PDE4D: variants seen among roughly 807,000 people sequenced by gnomAD.
PDE4D encodes the protein 3',5'-cyclic-AMP phosphodiesterase 4D.
Under a neutral mutation model 87.4 loss-of-function variants are expected in PDE4D, and 24 were observed. The ratio of observed to expected loss-of-function variants is 0.27; its 90% confidence interval spans 0.20 to 0.39. The LOEUF is 0.39. PDE4D is among the 10% of genes least tolerant of loss of function. The pLI is 1.00. For synonymous variants in PDE4D, 384 were observed against 383.2 expected, an observed-to-expected ratio of 1.00 and a Z score of -0.02; for missense variants, 714 against 1,041.0, an observed-to-expected ratio of 0.69 and a Z score of 4.32.
chr5:59,975,625 A>G (rs113055192), intron 3 of PDE4D, among the ~76,000 whole-genome samples: 2,186 of 152,270 alleles, frequency 0.014, 23 homozygotes, highest in South Asian at 0.024. Flanking sequence ...GAATAATCCA[A>G]CTGTTTGCCT....
intron 1 of PDE4D, among the ~76,000 whole-genome samples, chr5:59,319,980 A>G (rs1774423298): frequency 6.6e-6 from 1 of 152,114 alleles, no homozygotes; most frequent in Admixed American, 6.6e-5. Context: ...CACCATTTCT[A>G]AAGCAGTGAA....
At position 59,789,977 on chromosome 5, in the gene PDE4D, C is replaced by T. The variant is rs565162796; in HGVS notation, c.455+103191G>A. Among the ~76,000 whole-genome samples the T allele has an allele frequency of 5.3e-5, 8 of 152,280 alleles. No homozygotes were observed. The South Asian group carries it at 1.0e-3, about 20-fold the overall frequency. Reference sequence around the variant, plus strand: ...AAAAGCAGGAAGAGTTCTTTCTGTACGTTTCTGCACTTGGTGGGAGTGTCA... The same window carrying T: ...AAAAGCAGGAAGAGTTCTTTCTGTATGTTTCTGCACTTGGTGGGAGTGTCA... On this transcript the variant is annotated intron_variant, in intron 1 of 14. Transcript: ENST00000340635.
chr5:60,244,259 T>A (rs1562252879), intron 1 of PDE4D, among the ~76,000 whole-genome samples: 1 of 152,074 alleles, frequency 6.6e-6, no homozygotes, highest in East Asian at 1.9e-4. Flanking sequence ...GAAAGATTTC[T>A]ACAATGAAAA....
intron 1 of PDE4D, among the ~76,000 whole-genome samples, chr5:60,452,830 G>A (rs1746198720): frequency 1.3e-5 from 2 of 152,122 alleles, no homozygotes; most frequent in South Asian, 4.2e-4. Flanking sequence ...TTTAAAAGTA[G>A]CATCTTCATG....
chr5:60,508,865 C>CT lies in PDE4D; in HGVS notation n.70+13185dup, dbSNP rs925659932. ...AAGTTTATCCAACATGCAGATTTCT[C>CT]TTTTTTTTTCTTTCTTTCTTTTCTT... is the stretch of plus-strand genomic sequence containing the variant. On this transcript the variant is annotated intron_variant and non_coding_transcript_variant, in intron 1 of 2. Coordinates refer to the PDE4D transcript ENST00000506510. Among the ~76,000 whole-genome samples, 8 of 150,934 alleles carry CT rather than the reference C, an allele frequency of 5.3e-5. 1 individual carries two copies. In the Middle Eastern group the frequency reaches 0.01, roughly 193 times the overall value.
intron 5 of PDE4D, among the ~76,000 whole-genome samples, chr5:59,080,433 GC>G (rs1360572609): frequency 3.9e-5 from 6 of 152,166 alleles, no homozygotes; most frequent in Non-Finnish European, 8.8e-5. Flanking sequence ...AAAACTGGCT[GC>G]AAAATGACTT....
chr5:59,176,215 GTGACCTACCTTTA>G (rs1378800942), intron 5 of PDE4D, among the ~76,000 whole-genome samples: 1 of 151,564 alleles, frequency 6.6e-6, no homozygotes, highest in East Asian at 1.9e-4. Context: ...AAACTGGCCA[GTGACCTACCTTTA>G]AAACCTAGCT....
At chr5:59,692,838 A>C (rs1413653268) in intron 1 of PDE4D, among the ~76,000 whole-genome samples, 2 of 152,128 alleles carry the variant, frequency 1.3e-5, no homozygotes, top group African/African-American at 4.8e-5. Flanking sequence ...AAATGGCTTA[A>C]TTTCTCTTCC....
At chr5:60,090,086 G>C (rs144141104) in intron 2 of PDE4D, among the ~76,000 whole-genome samples, 1 of 152,014 alleles carries the variant, frequency 6.6e-6, no homozygotes, top group Non-Finnish European at 1.5e-5. Context: ...TCTGCCAAAC[G>C]ATTAAAGAAT....
chr5:60,142,585 G>A (rs2149422626), intron 2 of PDE4D, among the ~76,000 whole-genome samples: 1 of 152,302 alleles, frequency 6.6e-6, no homozygotes, highest in East Asian at 1.9e-4. Flanking sequence ...ATGAGCCAGG[G>A]TTCTGACAGC....
rs565523714 is a variant in PDE4D, at chr5:60,499,666, A to G, written n.70+22385T>C. ...ATTCCCAGCCATCTTCACACAGAAAATCTTATACCTCAGAATCAAGAATAA... is the reference window on the plus strand; with the variant it reads ...ATTCCCAGCCATCTTCACACAGAAAGTCTTATACCTCAGAATCAAGAATAA... On this transcript the variant is annotated intron_variant and non_coding_transcript_variant, in intron 1 of 2. Coordinates refer to the PDE4D transcript ENST00000506510. 2.6e-5 allele frequency among the ~76,000 whole-genome samples: 4 copies of G among 152,294 alleles called. No homozygotes were observed. In the South Asian group the frequency reaches 8.3e-4, roughly 32 times the overall value.
At chr5:59,379,309 G>C (rs966637853) in intron 1 of PDE4D, among the ~76,000 whole-genome samples, 1 of 152,026 alleles carries the variant, frequency 6.6e-6, no homozygotes, top group Non-Finnish European at 1.5e-5. Flanking sequence ...CTAAAAAAGT[G>C]CTGTCAGAAT....
At chr5:59,324,475 A>C (rs1271677950) in intron 1 of PDE4D, among the ~76,000 whole-genome samples, 1 of 152,168 alleles carries the variant, frequency 6.6e-6, no homozygotes, top group Non-Finnish European at 1.5e-5. Context: ...CGGCATGTGA[A>C]ACCATTTTGG....
At chr5:59,804,486 G>A (rs1767516520) in intron 1 of PDE4D, among the ~76,000 whole-genome samples, 1 of 152,194 alleles carries the variant, frequency 6.6e-6, no homozygotes, top group Non-Finnish European at 1.5e-5. Flanking sequence ...TGTGCATGTG[G>A]TCTTTCTCGT....
intron 3 of PDE4D, among the ~76,000 whole-genome samples, chr5:59,193,237 A>T (rs1361597675): frequency 6.6e-6 from 1 of 152,234 alleles, no homozygotes; most frequent in Non-Finnish European, 1.5e-5. Flanking sequence ...TTATGTCAGT[A>T]TGAGCCCAAT....
chr5:59,771,593 A>C (rs1020638924), intron 1 of PDE4D, among the ~76,000 whole-genome samples: 2 of 152,088 alleles, frequency 1.3e-5, no homozygotes, highest in Admixed American at 1.3e-4. Flanking sequence ...AATTCATTGA[A>C]TGCAAGGGAC....
intron 1 of PDE4D, among the ~76,000 whole-genome samples, chr5:59,772,775 T>C (rs1283114552): frequency 1.3e-5 from 2 of 152,226 alleles, no homozygotes; most frequent in African/African-American, 4.8e-5. Flanking sequence ...CGCTTTCAAA[T>C]TGTCCACAGG....
chr5:59,234,745 A>G (rs1756000402), intron 1 of PDE4D, among the ~76,000 whole-genome samples: 2 of 152,202 alleles, frequency 1.3e-5, no homozygotes, highest in African/African-American at 2.4e-5. Context: ...TAAAAAAAGG[A>G]TAGATGTCAG....
intron 1 of PDE4D, among the ~76,000 whole-genome samples, chr5:59,366,146 A>G (rs528900695): frequency 7.9e-5 from 12 of 152,080 alleles, no homozygotes; most frequent in Admixed American, 3.9e-4. Context: ...CATTTAAGAA[A>G]CTGCTTCTTA....
Sources: gnomAD v4.1 joint callset for allele counts (sites outside exome capture counted in the v4.1 genomes callset) on GRCh38, gnomAD v4.1.1 for gene constraint, MANE v1.5 for transcripts, NCBI Gene and HGNC (gene_info 2026-07-23, HGNC 2026-07-21) for gene names.